MED13L: variants seen among roughly 807,000 people sequenced by gnomAD.
The protein encoded by MED13L is mediator of RNA polymerase II transcription subunit 13-like.
In MED13L, 7 loss-of-function variants were observed where a neutral mutation model predicts 220.9. The observed-to-expected ratio is 0.03, with a 90% CI of 0.02 to 0.06. MED13L has a LOEUF of 0.06. MED13L is among the 10% of genes least tolerant of loss of function. The probability of loss-of-function intolerance (pLI) is 1.00; values close to 1 mark genes in which losing one functional copy is unlikely to be tolerated. For synonymous variants in MED13L, 1,011 were observed against 1,015.2 expected, an observed-to-expected ratio of 1.00 and a Z score of 0.08; for missense variants, 1,965 against 2,760.5, an observed-to-expected ratio of 0.71 and a Z score of 6.46.
chr12:116,246,018 TA>T (rs887952001), intron 1 of MED13L, among the ~76,000 whole-genome samples: 1 of 152,050 alleles, frequency 6.6e-6, no homozygotes, highest in African/African-American at 2.4e-5. Flanking sequence ...CAAGTTTCCA[TA>T]TAATAAAAAG....
chr12:116,084,337 C>T lies in MED13L; in HGVS notation c.479+12332G>A, dbSNP rs1204855900. Among the ~76,000 whole-genome samples, 3 of 152,238 alleles carry T rather than the reference C, an allele frequency of 2.0e-5. No homozygotes were observed. The East Asian group carries it at 5.8e-4, about 29-fold the overall frequency. On this transcript the variant is annotated intron_variant, in intron 4 of 30. Transcript: ENST00000281928. ...ATTCATTCTACTACCTGAGCATACT[C>T]GTGTTCAAGTCAGTAGTATATGCTC...
chr12:116,263,804 G>T (rs1320602364), intron 1 of MED13L, among the ~76,000 whole-genome samples: 2 of 152,134 alleles, frequency 1.3e-5, no homozygotes, highest in Non-Finnish European at 2.9e-5. Context: ...CTACCCTTAG[G>T]ATAATTTGCC....
intron 2 of MED13L, among the ~76,000 whole-genome samples, chr12:116,222,124 G>C (rs1025632856): frequency 3.3e-5 from 5 of 152,082 alleles, no homozygotes; most frequent in Non-Finnish European, 7.4e-5. Flanking sequence ...TTAATATTCT[G>C]ACAGTAGAGT....
intron 2 of MED13L, among the ~76,000 whole-genome samples, chr12:116,156,654 T>C (rs1878466135): frequency 3.3e-5 from 5 of 152,164 alleles, no homozygotes; most frequent in Admixed American, 3.3e-4. Context: ...GTACCTTATT[T>C]TGTAAGAATA....
rs576832475 is a variant in MED13L at position 116,205,676 on chromosome 12, G to A, written c.310+31792C>T. On this transcript the variant is annotated intron_variant, in intron 2 of 30. Transcript: ENST00000281928. ...GTTACAAACAGAATGATTAAAAAAGGTATATTTTGGTAAATGGCCACCAAT... is the reference window on the plus strand; with the variant it reads ...GTTACAAACAGAATGATTAAAAAAGATATATTTTGGTAAATGGCCACCAAT... 5.3e-5 allele frequency among the ~76,000 whole-genome samples: 8 copies of A among 152,104 alleles called. No individual in the cohort carries two copies. In the South Asian group the frequency reaches 8.3e-4, roughly 16 times the overall value.
intron 16 of MED13L, among the ~76,000 whole-genome samples, chr12:115,994,880 G>A (rs1878298599): frequency 1.3e-5 from 2 of 152,100 alleles, no homozygotes; most frequent in East Asian, 1.9e-4. Flanking sequence ...TTATTTCCAC[G>A]GTACTTCTAC....
At chr12:116,097,612 T>C (rs969054246) in intron 3 of MED13L, among the ~76,000 whole-genome samples, 2 of 152,244 alleles carry the variant, frequency 1.3e-5, no homozygotes, top group Admixed American at 1.3e-4. Flanking sequence ...GACTTGATTA[T>C]GGCTTTGCAA....
chr12:116,051,648 T>C (rs900750035), intron 4 of MED13L, among the ~76,000 whole-genome samples: 1 of 152,258 alleles, frequency 6.6e-6, no homozygotes, highest in Non-Finnish European at 1.5e-5. Flanking sequence ...AGTCTGAATA[T>C]GAAATTCATT....
chr12:115,961,750 T>A (rs1875773325), intron 30 of MED13L, among the ~76,000 whole-genome samples: 1 of 152,132 alleles, frequency 6.6e-6, no homozygotes, highest in South Asian at 2.1e-4. Context: ...TGGGGGTGGA[T>A]CACCTGAGGT....
At chr12:116,202,241 T>C (rs769202135) in intron 2 of MED13L, among the ~76,000 whole-genome samples, 47 of 152,228 alleles carry the variant, frequency 3.1e-4, no homozygotes, top group Non-Finnish European at 4.8e-4. Flanking sequence ...GCAAGAAGCA[T>C]TATTATGGCT....
intron 2 of MED13L, among the ~76,000 whole-genome samples, chr12:116,160,804 G>A (rs1481699691): frequency 6.7e-6 from 1 of 149,546 alleles, no homozygotes; most frequent in Non-Finnish European, 1.5e-5. Context: ...CTGGGTTCAA[G>A]TGATCCTCCT....
chr12:116,029,370 A>AT (rs35738137), intron 4 of MED13L, among the ~76,000 whole-genome samples: 22,526 of 151,956 alleles, frequency 0.15, 1,889 homozygotes, highest in Middle Eastern at 0.21. Context: ...AGAGTCTGCC[A>AT]TTTTTAAAGA....
At chr12:116,035,567 A>C (rs1286545839) in intron 4 of MED13L, among the ~76,000 whole-genome samples, 1 of 152,090 alleles carries the variant, frequency 6.6e-6, no homozygotes, top group African/African-American at 2.4e-5. Context: ...AGTAAGTAAC[A>C]CTAAAACTAT....
intron 2 of MED13L, among the ~76,000 whole-genome samples, chr12:116,114,346 T>C (rs1874341589): frequency 6.6e-6 from 1 of 152,238 alleles, no homozygotes; most frequent in Non-Finnish European, 1.5e-5. Context: ...AGGCATGCGC[T>C]GTGGAACACT....
In MED13L at chr12:115,996,486, C is replaced by G. The variant is rs1566000041; in HGVS notation, c.2986G>C (p.Asp996His). ...AATCCCTATACATACTTGTAGCCAT[C>G]TCTAATGAAAGTGGCTGCAGGGGGC... ...PMPPAATFIR[D>H]GYNNVPSVGS... Residue 996 changes from aspartate (D) to histidine (H), a missense_variant, in exon 16 of 31, where the codon GAT becomes CAT. By Grantham distance (81) the Asp-to-His change is moderately conservative. This residue lies in a region of MED13L where 233 missense variants were observed against 306.2 expected (regional missense o/e 0.76). Transcript: ENST00000281928. 6.2e-7 allele frequency: 1 copy of G among 1,613,204 alleles called. No individual in the cohort carries two copies.
rs200215079 is a variant in MED13L at position 115,987,269 on chromosome 12, G to A, written c.3954C>T (p.Leu1318=). ...GCATACGAACCACATCCTGGGAGGAGAGCATGCTGATGTCCAGCACTGGAA... is the reference window on the plus strand; with the variant it reads ...GCATACGAACCACATCCTGGGAGGAAAGCATGCTGATGTCCAGCACTGGAA... ...PHSNVLDISM[L]SSQDVVRMLL... The change falls in exon 18 of 31, where the codon CTC becomes CTT. Residue 1318 remains leucine, a synonymous_variant. Coordinates refer to ENST00000281928, the MANE Select transcript of MED13L (RefSeq NM_015335.5). The A allele has an allele frequency of 4.5e-5, 73 of 1,613,260 alleles. No individual in the cohort carries two copies. In the South Asian group the frequency reaches 7.3e-4, roughly 16 times the overall value.
chr12:116,095,656 C>G (rs1872581988), intron 4 of MED13L, among the ~76,000 whole-genome samples: 1 of 152,174 alleles, frequency 6.6e-6, no homozygotes, highest in Non-Finnish European at 1.5e-5. Context: ...CTAATCTGCA[C>G]CCAGTACCTG....
intron 11 of MED13L, 134 bp from the exon 12 acceptor site, chr12:116,006,545 A>T (rs1254521664): frequency 1.3e-6 from 1 of 755,030 alleles, no homozygotes; most frequent in African/African-American, 1.7e-5. Context: ...TGGTCTATGC[A>T]ACCAAAGGAA....
intron 2 of MED13L, among the ~76,000 whole-genome samples, chr12:116,131,846 T>G (rs975434596): frequency 6.6e-6 from 1 of 151,918 alleles, no homozygotes; most frequent in African/African-American, 2.4e-5. Flanking sequence ...CTGGGAGTGG[T>G]GGCACACGCC....
Sources: allele counts gnomAD v4.1 joint callset (sites outside exome capture counted in the v4.1 genomes callset), GRCh38; gene constraint gnomAD v4.1.1; regional missense constraint gnomAD v4.1.1; transcripts MANE v1.5; gene names NCBI Gene and HGNC (gene_info 2026-07-23, HGNC 2026-07-21).